OLA1: variants seen among roughly 807,000 people sequenced by gnomAD.
OLA1 encodes Obg like ATPase 1.
Under a neutral mutation model 48.4 loss-of-function variants are expected in OLA1, and 14 were observed. The ratio of observed to expected loss-of-function variants is 0.29; its 90% CI spans 0.19 to 0.45. The LOEUF is 0.45. OLA1 is among the 20% of genes least tolerant of loss of function. The pLI is 1.00. For missense variants in OLA1, 325 were observed against 467.1 expected, an observed-to-expected ratio of 0.70 and a Z score of 2.80; for synonymous variants, 127 against 150.4, an observed-to-expected ratio of 0.84 and a Z score of 1.14.
At chr2:174,218,436 TTA>T (rs1688414785) in intron 4 of OLA1, among the ~76,000 whole-genome samples, 1 of 152,182 alleles carries the variant, frequency 6.6e-6, no homozygotes. Flanking sequence ...CTGACAGTTG[TTA>T]TGTTTATTAA....
At chr2:174,200,265 T>C (rs1028164139) in intron 4 of OLA1, among the ~76,000 whole-genome samples, 2 of 152,146 alleles carry the variant, frequency 1.3e-5, no homozygotes, top group Non-Finnish European at 1.5e-5. Context: ...TTGAGAACCA[T>C]TACTTTGGAG....
chr2:174,173,304 A>G (rs549746688), intron 4 of OLA1, among the ~76,000 whole-genome samples: 2 of 143,356 alleles, frequency 1.4e-5, no homozygotes, highest in East Asian at 4.7e-4. Flanking sequence ...TTAACAAAAT[A>G]TTGGAGCTGA....
At chr2:174,211,374 C>G (rs1167158237) in intron 4 of OLA1, among the ~76,000 whole-genome samples, 1 of 152,192 alleles carries the variant, frequency 6.6e-6, no homozygotes, top group East Asian at 1.9e-4. Context: ...TTACCTAAAT[C>G]ATCCTGGTAG....
At chr2:174,115,829 T>C (rs926924924) in intron 7 of OLA1, among the ~76,000 whole-genome samples, 9 of 152,212 alleles carry the variant, frequency 5.9e-5, no homozygotes, top group African/African-American at 2.2e-4. Context: ...CTTACTCTGC[T>C]TTGTTTTTAT....
At chr2:174,107,054 G>T (rs1214846041) in intron 7 of OLA1, among the ~76,000 whole-genome samples, 3 of 152,088 alleles carry the variant, frequency 2.0e-5, no homozygotes, top group African/African-American at 7.2e-5. Flanking sequence ...ATGATAAAGG[G>T]TCATTAGGTT....
intron 4 of OLA1, among the ~76,000 whole-genome samples, chr2:174,220,572 A>T (rs1421236057): frequency 6.6e-6 from 1 of 152,204 alleles, no homozygotes; most frequent in Non-Finnish European, 1.5e-5. Flanking sequence ...TTACCAATAC[A>T]TCCCTCAGCA....
At chr2:174,201,434 C>T (rs1221912192) in intron 4 of OLA1, among the ~76,000 whole-genome samples, 1 of 152,144 alleles carries the variant, frequency 6.6e-6, no homozygotes, top group Non-Finnish European at 1.5e-5. Flanking sequence ...AATTCCTGAG[C>T]TTGAGTGATC....
At chr2:174,122,004 C>T (rs570057555) in intron 7 of OLA1, among the ~76,000 whole-genome samples, 1 of 152,126 alleles carries the variant, frequency 6.6e-6, no homozygotes, top group East Asian at 1.9e-4. Context: ...AAATTCATTC[C>T]TAAAGGTAAC....
At chr2:174,206,007 G>A (rs1688105872) in intron 4 of OLA1, among the ~76,000 whole-genome samples, 1 of 152,122 alleles carries the variant, frequency 6.6e-6, no homozygotes, top group Admixed American at 6.5e-5. Flanking sequence ...ACTGACGTAG[G>A]AAAACTGTAT....
Position 174,187,938 on chromosome 2 carries a change from G to C in OLA1, c.373+35095C>G, listed in dbSNP as rs551271168. On this transcript the variant is annotated intron_variant, in intron 4 of 10. Coordinates refer to ENST00000284719, the MANE Select transcript of OLA1 (RefSeq NM_013341.5). ...GACTGTGAAGGATTCTGTATGTCCA[G>C]TGAGAAAAAATGATGCCTGACCTCC... Among the ~76,000 whole-genome samples the C allele has an allele frequency of 7.9e-5, 12 of 152,302 alleles. No individual in the cohort carries two copies. The South Asian group carries it at 1.7e-3, about 21-fold the overall frequency.
intron 4 of OLA1, among the ~76,000 whole-genome samples, chr2:174,212,527 A>G (rs1688266431): frequency 6.6e-6 from 1 of 152,156 alleles, no homozygotes; most frequent in African/African-American, 2.4e-5. Context: ...TTCTTCAATA[A>G]TCAATTAGCC....
At chr2:174,078,099 T>TCCTG (rs1257458381) in intron 10 of OLA1, among the ~76,000 whole-genome samples, 1 of 152,032 alleles carries the variant, frequency 6.6e-6, no homozygotes, top group Non-Finnish European at 1.5e-5. Context: ...TCTATTAAAG[T>TCCTG]CCTGCTGTTC....
At chr2:174,154,246 C>A (rs952385472) in intron 4 of OLA1, among the ~76,000 whole-genome samples, 10 of 152,114 alleles carry the variant, frequency 6.6e-5, no homozygotes, top group South Asian at 2.1e-4. Flanking sequence ...TTGTATTTAC[C>A]CTTTGCAATA....
chr2:174,182,474 C>T (rs1446576268), intron 4 of OLA1, among the ~76,000 whole-genome samples: 3 of 151,984 alleles, frequency 2.0e-5, no homozygotes, highest in South Asian at 4.2e-4. Flanking sequence ...TGTGGTGAGC[C>T]GAGATCGTGC....
intron 4 of OLA1, among the ~76,000 whole-genome samples, chr2:174,158,296 C>A (rs78621538): frequency 0.011 from 1,606 of 152,240 alleles, 32 homozygotes; most frequent in African/African-American, 0.036. Flanking sequence ...TCATTTCATT[C>A]ACCTAGAAAT....
chr2:174,223,205 T>G (rs1688545156), intron 3 of OLA1, 45 bp from the exon 4 acceptor site: 1 of 1,558,224 alleles, frequency 6.4e-7, no homozygotes, highest in Non-Finnish European at 8.8e-7. Flanking sequence ...TACTAAAAAC[T>G]TATCTATCAA....
chr2:174,172,730 T>A (rs1355093333), intron 4 of OLA1: 2 of 153,348 alleles, frequency 1.3e-5, no homozygotes, highest in African/African-American at 2.4e-5. Context: ...TGCAGACACC[T>A]GAAAACTCTT....
chr2:174,072,448 CA>C lies in OLA1; in HGVS notation c.*2977del, dbSNP rs1469919512. Reference sequence around the variant, plus strand: ...GAAGACAAAAAAGTCACTCAAAAGTCAAACCCAGCTCTTTTATTTTATCACC... The same window carrying C: ...GAAGACAAAAAAGTCACTCAAAAGTCAACCCAGCTCTTTTATTTTATCACC... On this transcript the variant is annotated 3_prime_UTR_variant, in exon 11 of 11. Transcript: ENST00000284719. The C allele has an allele frequency of 6.6e-6, 1 of 152,170 alleles. No homozygotes were observed. Among genetic ancestry groups the C allele is most frequent in the Non-Finnish European group, 1.5e-5 (1 of 68,006 alleles). The allele number at this position is 152,170 out of a possible 1,614,324, so 9.4% of individuals were successfully genotyped here.
intron 4 of OLA1, among the ~76,000 whole-genome samples, chr2:174,189,603 G>C (rs1219779509): frequency 6.6e-6 from 1 of 152,112 alleles, no homozygotes; most frequent in Admixed American, 6.5e-5. Flanking sequence ...TCCTAGCAAA[G>C]TGCAAAAATA....
Sources: allele counts gnomAD v4.1 joint callset (sites outside exome capture counted in the v4.1 genomes callset), GRCh38; gene constraint gnomAD v4.1.1; transcripts MANE v1.5; gene names NCBI Gene and HGNC (gene_info 2026-07-23, HGNC 2026-07-21).